GALNT16: variants seen among roughly 807,000 people sequenced by gnomAD.
GALNT16 encodes UDP-GalNAc:polypeptide N-acetylgalactosaminyltransferase-like protein 1.
Under a neutral mutation model 76.1 loss-of-function variants are expected in GALNT16, and 40 were observed. The ratio of observed to expected loss-of-function variants is 0.53; its 90% CI spans 0.41 to 0.68. The LOEUF is 0.68. Among genes scored for constraint, GALNT16 ranks in the 30% least tolerant of loss-of-function variants. The pLI, the probability that GALNT16 is intolerant of heterozygous loss-of-function variation, is 0.00. For synonymous variants in GALNT16, 276 were observed against 285.2 expected, an observed-to-expected ratio of 0.97 and a Z score of 0.32; for missense variants, 621 against 731.9, an observed-to-expected ratio of 0.85 and a Z score of 1.75.
Position 69,333,012 on chromosome 14 carries a change from G to C in GALNT16, c.779-73G>C. ...CTCTGATCAGGGGAGACTCCGAGGGGTGGTGGAGTGAAGGGTCTCAGCAGC... is the reference window on the plus strand; with the variant it reads ...CTCTGATCAGGGGAGACTCCGAGGGCTGGTGGAGTGAAGGGTCTCAGCAGC... On this transcript the variant is annotated intron_variant, in intron 7 of 14. Coordinates refer to ENST00000448469, the MANE Select transcript of GALNT16 (RefSeq NM_001168368.2). This position sits in a 1 kb window ranked among gnomAD's most constrained non-coding sequence, Gnocchi z 4.2. 5 of 1,006,788 alleles carry C rather than the reference G, an allele frequency of 5.0e-6. No individual in the cohort carries two copies. The highest frequency in any genetic ancestry group is 2.4e-5 in the East Asian group (1 of 42,118). 62.4% of individuals were successfully genotyped at this position (1,006,788 alleles called of 1,614,324 possible).
intron 14 of GALNT16, chr14:69,349,613 G>C (rs922766188): frequency 6.6e-6 from 1 of 152,270 alleles, no homozygotes; most frequent in African/African-American, 2.4e-5. Context: ...CTGTGCCTCA[G>C]ACCTGGTGTG....
downstream of GALNT16, chr14:69,356,442 G>A (rs2045693469): frequency 6.6e-6 from 1 of 152,128 alleles, no homozygotes; most frequent in African/African-American, 2.4e-5. Flanking sequence ...TTCGAGACCA[G>A]CCTGGGCAAC....
At chr14:69,303,574 A>G (rs1030172324) in intron 1 of GALNT16, among the ~76,000 whole-genome samples, 3 of 152,198 alleles carry the variant, frequency 2.0e-5, no homozygotes, top group South Asian at 2.1e-4. Flanking sequence ...AAAAAGTCTG[A>G]AAAGATTTTT....
Position 69,325,985 on chromosome 14 carries a change from A to G in GALNT16, c.526A>G (p.Arg176Gly), listed in dbSNP as rs1272051907. The change falls in exon 5 of 15, where the codon AGG (arginine) becomes GGG (glycine). Residue 176 changes from arginine to glycine, a missense_variant. Arg to Gly is a moderately radical substitution (Grantham distance 125). Coordinates refer to ENST00000448469, the MANE Select transcript of GALNT16 (RefSeq NM_001168368.2). ...AGCGGAAGACTGTCTACTCCTGACC[A>G]GGATCCCCAAGGTCAAGTGCCTGCG... is the stretch of plus-strand genomic sequence containing the variant. ...SDPEDCLLLT[R>G]IPKVKCLRND... The G allele has an allele frequency of 6.2e-7, 1 of 1,613,874 alleles. No individual in the cohort carries two copies. The highest frequency in any genetic ancestry group is 8.5e-7 in the Non-Finnish European group (1 of 1,179,914).
intron 1 of GALNT16, among the ~76,000 whole-genome samples, chr14:69,295,786 AT>A (rs11455250): frequency 7.3e-5 from 11 of 151,472 alleles, no homozygotes; most frequent in African/African-American, 2.7e-4. Flanking sequence ...CTCACAATAT[AT>A]TTTTTTTTCT....
rs1419457157 is a variant in GALNT16, at chr14:69,261,168, C to T, written c.177+701C>T. ...CGATACCCTTGCATGAAGTCAGCCT[C>T]GCGACATCTAAGCGGGCAGGGAAAC... On this transcript the variant is annotated intron_variant, in intron 1 of 14. Transcript: ENST00000448469. This position sits in a 1 kb window ranked among gnomAD's most constrained non-coding sequence, Gnocchi z 6.4. Among the ~76,000 whole-genome samples, 1 of 151,956 alleles carries T rather than the reference C, an allele frequency of 6.6e-6. No homozygotes were observed. The highest frequency in any genetic ancestry group is 1.5e-5 in the Non-Finnish European group (1 of 67,992).
At chr14:69,286,906 T>C (rs2044620912) in intron 1 of GALNT16, among the ~76,000 whole-genome samples, 1 of 151,828 alleles carries the variant, frequency 6.6e-6, no homozygotes, top group African/African-American at 2.4e-5. Context: ...AGAAAGGGAG[T>C]GTGATCAGGC....
chr14:69,324,874 A>G (rs981253820), intron 3 of GALNT16, 84 bp downstream of exon 3: 23 of 845,464 alleles, frequency 2.7e-5, no homozygotes, highest in Middle Eastern at 2.5e-4. Context: ...GACAGCTTGA[A>G]GCCCAGCAGG....
intron 12 of GALNT16, among the ~76,000 whole-genome samples, chr14:69,344,600 A>C (rs1269765970): frequency 1.3e-5 from 2 of 152,218 alleles, no homozygotes; most frequent in African/African-American, 4.8e-5. Context: ...CAGGACTGCT[A>C]CCACGATGAC....
chr14:69,325,861 C>A (rs189853467), intron 4 of GALNT16, 101 bp from the exon 5 acceptor site: 22 of 898,554 alleles, frequency 2.4e-5, no homozygotes, highest in East Asian at 9.9e-5. Context: ...CATCCCCAAC[C>A]CTTTCCTGGG....
intron 1 of GALNT16, among the ~76,000 whole-genome samples, chr14:69,263,627 C>T (rs74059924): frequency 0.013 from 1,926 of 152,350 alleles, 45 homozygotes; most frequent in African/African-American, 0.044. Context: ...TTCACAATGT[C>T]TGGACTATTT....
At chr14:69,273,277 T>TC (rs2044429171) in intron 1 of GALNT16, among the ~76,000 whole-genome samples, 1 of 152,214 alleles carries the variant, frequency 6.6e-6, no homozygotes, top group Admixed American at 6.5e-5. Flanking sequence ...AGCCTTTTAC[T>TC]CCCCTGGAAG....
intron 1 of GALNT16, among the ~76,000 whole-genome samples, chr14:69,299,359 C>T (rs986246980): frequency 3.3e-5 from 5 of 152,220 alleles, no homozygotes; most frequent in Admixed American, 6.5e-5. Context: ...AGGAAGCTGA[C>T]TCGGAGACGG....
At chr14:69,318,158 A>T (rs1271258996) in intron 1 of GALNT16, among the ~76,000 whole-genome samples, 2 of 152,370 alleles carry the variant, frequency 1.3e-5, no homozygotes, top group Middle Eastern at 3.4e-3. Flanking sequence ...CCTGTCTCAC[A>T]GGTGAAGAGT....
chr14:69,365,903 C>T, the GALNT16 span, among the ~76,000 whole-genome samples: 7 of 152,298 alleles, frequency 4.6e-5, no homozygotes, highest in South Asian at 1.5e-3. Flanking sequence ...TACGTAAGGT[C>T]CCTGACCCCA....
chr14:69,346,327 C>G (rs2045564133), intron 12 of GALNT16, among the ~76,000 whole-genome samples: 1 of 152,148 alleles, frequency 6.6e-6, no homozygotes, highest in Non-Finnish European at 1.5e-5. Flanking sequence ...AGATGAATGT[C>G]TTTTACAACA....
At chr14:69,259,753 G>C (rs1415351782), upstream of GALNT16, 1 of 153,596 alleles carries the variant, frequency 6.5e-6, no homozygotes, top group African/African-American at 2.4e-5. Context: ...CCAGGTCGGG[G>C]GTCGCGCGTC....
Position 69,333,661 on chromosome 14 carries a change from G to T in GALNT16, c.967+61G>T. The T allele has an allele frequency of 1.1e-6, 1 of 892,760 alleles. No homozygotes were observed. The highest frequency in any genetic ancestry group is 1.3e-5 in the South Asian group (1 of 75,168). 55.3% of individuals were successfully genotyped at this position (892,760 alleles called of 1,614,324 possible). A position where few individuals can be genotyped will look rare whatever the true frequency, so the allele number is the denominator to read the frequency against. On this transcript the variant is annotated intron_variant, in intron 9 of 14. Transcript: ENST00000448469. This position sits in a 1 kb window ranked among gnomAD's most constrained non-coding sequence, Gnocchi z 4.2. ...AGCAGTAATAACCACAGTTAACCCT[G>T]ACAGAGCACTTTCTATGCGTGAGGA...
At chr14:69,330,977 C>T (rs752194496) in intron 6 of GALNT16, among the ~76,000 whole-genome samples, 1 of 152,118 alleles carries the variant, frequency 6.6e-6, no homozygotes, top group African/African-American at 2.4e-5. Context: ...AGCCCCTGCC[C>T]TCCAGCTGCT....
Sources: gnomAD v4.1 joint callset for allele counts (sites outside exome capture counted in the v4.1 genomes callset) on GRCh38, gnomAD v4.1.1 for gene constraint, Gnocchi (gnomAD v3.1) non-coding constraint, MANE v1.5 for transcripts, NCBI Gene and HGNC (gene_info 2026-07-23, HGNC 2026-07-21) for gene names.